The following PRCP variants were observed in gnomAD, a reference collection of about 807,000 sequenced individuals.
PRCP encodes lysosomal Pro-X carboxypeptidase.
A neutral mutation model predicts 54.2 loss-of-function variants in PRCP; 46 were observed. That is an observed-to-expected ratio of 0.85 (90% CI 0.67 to 1.09). The LOEUF (loss-of-function observed/expected upper bound fraction) is 1.09, where lower values mean the gene tolerates loss of function less well. Among genes scored for constraint, PRCP ranks in the 50% least tolerant of loss-of-function variants. PRCP has a pLI of 0.00. For synonymous variants in PRCP, 240 were observed against 212.2 expected, an observed-to-expected ratio of 1.13 and a Z score of -1.14; for missense variants, 613 against 596.8, an observed-to-expected ratio of 1.03 and a Z score of -0.28.
chr11:82,868,922 G>C (rs1214462396), intron 1 of PRCP, among the ~76,000 whole-genome samples: 1 of 152,170 alleles, frequency 6.6e-6, no homozygotes, highest in Non-Finnish European at 1.5e-5. Flanking sequence ...TATAATCTCA[G>C]CTACTTGGGA....
At chr11:82,880,918 C>T (rs761253889) in intron 1 of PRCP, among the ~76,000 whole-genome samples, 1 of 151,914 alleles carries the variant, frequency 6.6e-6, no homozygotes, top group Non-Finnish European at 1.5e-5. Flanking sequence ...CTGCCAAGTG[C>T]CTGCTCCCAC....
At position 82,825,130 on chromosome 11, in the gene PRCP, T is replaced by TG. The variant is rs1565214193; in HGVS notation, c.1275-9dup. 4 of 1,605,510 alleles carry TG rather than the reference T, an allele frequency of 2.5e-6. No individual in the cohort carries two copies. Among genetic ancestry groups the TG allele is most frequent in the Non-Finnish European group, 3.4e-6 (4 of 1,175,880 alleles). On this transcript the variant is annotated splice_polypyrimidine_tract_variant and intron_variant, in intron 8 of 8. Coordinates refer to ENST00000313010, the MANE Select transcript of PRCP (RefSeq NM_005040.4). ...GGGTCTAGTTCACCATTGCTGCAAG[T>TG]GAAAAAAAGAAGAAAAAATAAAGTT...
intron 1 of PRCP, among the ~76,000 whole-genome samples, chr11:82,871,049 T>A (rs898472432): frequency 6.6e-6 from 1 of 152,054 alleles, no homozygotes; most frequent in Non-Finnish European, 1.5e-5. Context: ...TCAATAATAA[T>A]CTCATAAAAA....
intron 3 of PRCP, 56 bp from the exon 4 acceptor site, chr11:82,850,561 G>A: frequency 7.7e-7 from 1 of 1,292,736 alleles, no homozygotes; most frequent in Non-Finnish European, 1.0e-6. Context: ...AGCAGCTTAG[G>A]AATAGCATGG....
intron 1 of PRCP, among the ~76,000 whole-genome samples, chr11:82,860,985 T>C (rs1203485628): frequency 6.6e-6 from 1 of 152,164 alleles, no homozygotes; most frequent in Non-Finnish European, 1.5e-5. Flanking sequence ...TGGCAATCAT[T>C]TTAATAAATT....
intron 1 of PRCP, among the ~76,000 whole-genome samples, chr11:82,862,272 A>AT (rs1859224464): frequency 6.6e-6 from 1 of 152,116 alleles, no homozygotes; most frequent in African/African-American, 2.4e-5. Flanking sequence ...ACCCTTTGAG[A>AT]TTTTTTAACT....
intron 6 of PRCP, among the ~76,000 whole-genome samples, chr11:82,841,157 A>G (rs1858657978): frequency 1.4e-5 from 2 of 147,232 alleles, no homozygotes; most frequent in South Asian, 4.2e-4. Flanking sequence ...CAGGAATAAC[A>G]GGGCCTGGGC....
chr11:82,887,953 C>G (rs1290461275), intron 1 of PRCP, among the ~76,000 whole-genome samples: 1 of 152,118 alleles, frequency 6.6e-6, no homozygotes, highest in African/African-American at 2.4e-5. Flanking sequence ...CTTTTTGTTC[C>G]ATCACTTTTC....
chr11:82,890,556 T>A (rs1476874101), intron 1 of PRCP, among the ~76,000 whole-genome samples: 1 of 152,188 alleles, frequency 6.6e-6, no homozygotes, highest in Non-Finnish European at 1.5e-5. Context: ...TACATTCGAT[T>A]ATTTCTCCCA....
chr11:82,832,280 C>T (rs532773253), intron 8 of PRCP, among the ~76,000 whole-genome samples: 3 of 152,262 alleles, frequency 2.0e-5, no homozygotes, highest in Admixed American at 6.5e-5. Context: ...GGAATTGCCA[C>T]AGTCTTCCAC....
rs758998990 is a variant in PRCP at position 82,853,204 on chromosome 11, A to G, written c.384T>C (p.Ser128=). The G allele has an allele frequency of 1.2e-6, 2 of 1,610,568 alleles. No homozygotes were observed. The highest frequency in any genetic ancestry group is 1.1e-5 in the South Asian group (1 of 90,604). ...VFAEHRYYGE[S]LPFGDNSFKD... ...TGAATGAGTTGTCACCAAAGGGGAGAGACTCTCCATAGTATCGATGTTCAG... is the reference window on the plus strand; with the variant it reads ...TGAATGAGTTGTCACCAAAGGGGAGGGACTCTCCATAGTATCGATGTTCAG... Residue 128 remains serine (S), a synonymous_variant, in exon 3 of 9, where the codon TCT becomes TCC. Coordinates refer to ENST00000313010, the MANE Select transcript of PRCP (RefSeq NM_005040.4).
rs1300489387 is a variant in PRCP, at chr11:82,823,573, G to A, written c.*1333C>T. The A allele has an allele frequency of 2.0e-5, 3 of 151,704 alleles. No individual in the cohort carries two copies. Among genetic ancestry groups the A allele is most frequent in the African/African-American group, 7.3e-5 (3 of 41,266 alleles). 9.4% of individuals were successfully genotyped at this position (151,704 alleles called of 1,614,324 possible). ...AAAAAAATGCCATAAAAATGATCAA[G>A]CTCAAGGTACAGTTTTTTAAAAGCA... On this transcript the variant is annotated 3_prime_UTR_variant, in exon 9 of 9. Coordinates refer to ENST00000313010, the MANE Select transcript of PRCP (RefSeq NM_005040.4).
At chr11:82,880,155 C>T (rs1438060498) in intron 1 of PRCP, among the ~76,000 whole-genome samples, 1 of 152,240 alleles carries the variant, frequency 6.6e-6, no homozygotes, top group African/African-American at 2.4e-5. Context: ...CAGAGGCAGG[C>T]AGGCAGGCCT....
chr11:82,855,480 G>A (rs1236612632), intron 2 of PRCP, among the ~76,000 whole-genome samples: 2 of 152,086 alleles, frequency 1.3e-5, no homozygotes, highest in African/African-American at 2.4e-5. Flanking sequence ...TTAGCCGGGC[G>A]TGGTGGCGGG....
intron 1 of PRCP, among the ~76,000 whole-genome samples, chr11:82,881,720 T>C (rs1325901665): frequency 6.6e-6 from 1 of 152,148 alleles, no homozygotes; most frequent in Non-Finnish European, 1.5e-5. Flanking sequence ...GTCTTGGTGA[T>C]TGACTGGATT....
chr11:82,859,016 A>T (rs1235489333), intron 2 of PRCP, among the ~76,000 whole-genome samples: 1 of 152,232 alleles, frequency 6.6e-6, no homozygotes, highest in East Asian at 1.9e-4. Flanking sequence ...ACAAACATTT[A>T]CTGAGACCTC....
At position 82,824,189 on chromosome 11, in the gene PRCP, GC is replaced by G. The variant is rs1858161252; in HGVS notation, c.*716del. 6.6e-6 allele frequency: 1 copy of G among 152,124 alleles called. No individual in the cohort carries two copies. Among genetic ancestry groups the G allele is most frequent in the Non-Finnish European group, 1.5e-5 (1 of 68,026 alleles). The allele number at this position is 152,124 out of a possible 1,614,324, so 9.4% of individuals were successfully genotyped here. ...GACCTTAGAAACAAAGAGAAATGGA[GC>G]AGAAAAAGGCCAGATTTCTTACTGG... On this transcript the variant is annotated 3_prime_UTR_variant, in exon 9 of 9. Transcript: ENST00000313010.
intron 1 of PRCP, among the ~76,000 whole-genome samples, chr11:82,869,350 C>A (rs1441076281): frequency 2.8e-5 from 3 of 105,500 alleles, no homozygotes; most frequent in Admixed American, 1.2e-4. Flanking sequence ...AGTGAGACTC[C>A]ATCTCAAAAA....
chr11:82,832,421 T>C (rs1294015647), intron 8 of PRCP, among the ~76,000 whole-genome samples: 2 of 152,162 alleles, frequency 1.3e-5, no homozygotes, highest in Non-Finnish European at 2.9e-5. Context: ...TGGTGTCTCA[T>C]TGTGGTTTTG....
Sources: allele counts gnomAD v4.1 joint callset (sites outside exome capture counted in the v4.1 genomes callset), GRCh38; gene constraint gnomAD v4.1.1; transcripts MANE v1.5; gene names NCBI Gene and HGNC (gene_info 2026-07-23, HGNC 2026-07-21).